CDH18: variants seen among roughly 807,000 people sequenced by gnomAD.
CDH18 encodes cadherin 18.
CDH18 carries 31 observed loss-of-function variants against 67.9 expected under a neutral mutation model. The ratio of observed to expected loss-of-function variants is 0.46; its 90% CI spans 0.34 to 0.62. The LOEUF (loss-of-function observed/expected upper bound fraction) is 0.62, where lower values mean the gene tolerates loss of function less well. CDH18 is among the 20% of genes least tolerant of loss of function. CDH18 has a pLI of 0.01. For missense variants in CDH18, 890 were observed against 975.5 expected, an observed-to-expected ratio of 0.91 and a Z score of 1.17; for synonymous variants, 362 against 347.2, an observed-to-expected ratio of 1.04 and a Z score of -0.48.
intron 1 of CDH18, among the ~76,000 whole-genome samples, chr5:20,404,061 A>G (rs575686516): frequency 6.6e-6 from 1 of 152,236 alleles, no homozygotes; most frequent in African/African-American, 2.4e-5. Context: ...TTCTTTCCTC[A>G]AACCTAGTGA....
chr5:19,748,506 C>A (rs1196702622), intron 3 of CDH18, among the ~76,000 whole-genome samples: 2 of 152,122 alleles, frequency 1.3e-5, no homozygotes, highest in African/African-American at 4.8e-5. Flanking sequence ...GCAGTATTTT[C>A]TCAGTTCACA....
intron 2 of CDH18, among the ~76,000 whole-genome samples, chr5:20,194,273 A>T (rs1738784686): frequency 6.6e-6 from 1 of 152,120 alleles, no homozygotes; most frequent in South Asian, 2.1e-4. Flanking sequence ...AAGTCTCAGG[A>T]TACAAAATCA....
chr5:20,521,437 T>C (rs1301632534), intron 1 of CDH18, among the ~76,000 whole-genome samples: 1 of 152,138 alleles, frequency 6.6e-6, no homozygotes, highest in Non-Finnish European at 1.5e-5. Context: ...GGAGTTTGAA[T>C]TAGCCATAGG....
intron 1 of CDH18, among the ~76,000 whole-genome samples, chr5:20,310,888 C>T (rs1736920007): frequency 6.6e-6 from 1 of 152,112 alleles, no homozygotes; most frequent in Non-Finnish European, 1.5e-5. Flanking sequence ...AATTGTCATG[C>T]CCTCAGTAAA....
chr5:20,344,886 G>A (rs1740579366), intron 1 of CDH18, among the ~76,000 whole-genome samples: 1 of 152,082 alleles, frequency 6.6e-6, no homozygotes, highest in African/African-American at 2.4e-5. Context: ...TCTTTCTCTG[G>A]TGTTACCCAT....
At chr5:19,912,854 G>A (rs1458487588) in intron 2 of CDH18, among the ~76,000 whole-genome samples, 1 of 152,084 alleles carries the variant, frequency 6.6e-6, no homozygotes, top group Admixed American at 6.6e-5. Context: ...CGGCCCATGA[G>A]GACAACTCAA....
intron 3 of CDH18, among the ~76,000 whole-genome samples, chr5:19,764,491 T>C (rs1180627575): frequency 5.3e-5 from 8 of 151,762 alleles, no homozygotes; most frequent in African/African-American, 2.4e-5. Flanking sequence ...TAAACACATA[T>C]AAAGTTAGGG....
chr5:19,544,806 C>T (rs879339431), intron 8 of CDH18, among the ~76,000 whole-genome samples: 63 of 152,094 alleles, frequency 4.1e-4, no homozygotes, highest in Non-Finnish European at 8.1e-4. Flanking sequence ...GGGAAACACA[C>T]GGGGCAAAGT....
intron 1 of CDH18, among the ~76,000 whole-genome samples, chr5:20,393,702 A>C (rs1745050276): frequency 6.6e-6 from 1 of 152,026 alleles, no homozygotes; most frequent in Non-Finnish European, 1.5e-5. Flanking sequence ...ATGTACACAA[A>C]TCAGTAGCAT....
chr5:19,758,679 T>G (rs1397030885), intron 3 of CDH18, among the ~76,000 whole-genome samples: 1 of 152,204 alleles, frequency 6.6e-6, no homozygotes, highest in Non-Finnish European at 1.5e-5. Context: ...TTCTTCATTG[T>G]AGGAGGTGCC....
chr5:19,984,238 T>C (rs1031255664), intron 1 of CDH18, among the ~76,000 whole-genome samples: 1 of 151,898 alleles, frequency 6.6e-6, no homozygotes, highest in Non-Finnish European at 1.5e-5. Flanking sequence ...TTTAGTTGTA[T>C]ATATCCATAT....
intron 5 of CDH18, among the ~76,000 whole-genome samples, chr5:19,661,969 G>T (rs963326269): frequency 1.3e-5 from 2 of 152,006 alleles, no homozygotes; most frequent in Non-Finnish European, 2.9e-5. Context: ...CTTCACCTCA[G>T]GAGAACAAAA....
chr5:19,722,049 T>C (rs1265153001), intron 4 of CDH18, among the ~76,000 whole-genome samples: 1 of 152,128 alleles, frequency 6.6e-6, no homozygotes, highest in Non-Finnish European at 1.5e-5. Flanking sequence ...CCATTTGTTT[T>C]TGTTTGTTTG....
intron 6 of CDH18, among the ~76,000 whole-genome samples, chr5:19,595,085 C>T (rs143252118): frequency 3.9e-5 from 6 of 151,924 alleles, no homozygotes; most frequent in Non-Finnish European, 5.9e-5. Flanking sequence ...TAAACAAATT[C>T]GGTAAAGTTG....
At chr5:20,443,166 C>T (rs1270710574) in intron 1 of CDH18, among the ~76,000 whole-genome samples, 2 of 138,564 alleles carry the variant, frequency 1.4e-5, no homozygotes, top group African/African-American at 5.6e-5. Flanking sequence ...GCCGAGATCC[C>T]GCCACTGCAC....
chr5:19,948,180 A>G (rs1262268956), intron 2 of CDH18, among the ~76,000 whole-genome samples: 1 of 152,160 alleles, frequency 6.6e-6, no homozygotes, highest in African/African-American at 2.4e-5. Flanking sequence ...GTAAAACAAG[A>G]CATCCACTCC....
chr5:19,736,307 G>A (rs1018226934), intron 4 of CDH18, among the ~76,000 whole-genome samples: 1 of 152,070 alleles, frequency 6.6e-6, no homozygotes, highest in African/African-American at 2.4e-5. Flanking sequence ...CTTGAGCCTC[G>A]GAGATCAAGG....
intron 2 of CDH18, among the ~76,000 whole-genome samples, chr5:19,876,452 T>C (rs982027795): frequency 1.3e-5 from 2 of 152,080 alleles, no homozygotes; most frequent in Admixed American, 1.3e-4. Context: ...GTTCCCGTTA[T>C]CTGGAAAAAT....
At chr5:20,436,750 A>T (rs779040886) in intron 1 of CDH18, among the ~76,000 whole-genome samples, 1 of 151,454 alleles carries the variant, frequency 6.6e-6, no homozygotes, top group Non-Finnish European at 1.5e-5. Flanking sequence ...TTAGGGCTGT[A>T]AAATATCACC....
Sources: gnomAD v4.1 joint callset for allele counts (sites outside exome capture counted in the v4.1 genomes callset) on GRCh38, gnomAD v4.1.1 for gene constraint, MANE v1.5 for transcripts, NCBI Gene and HGNC (gene_info 2026-07-23, HGNC 2026-07-21) for gene names.